ITGA9: variants seen among roughly 807,000 people sequenced by gnomAD.
The protein encoded by ITGA9 is integrin alpha-9.
Under a neutral mutation model 127.8 loss-of-function variants are expected in ITGA9, and 56 were observed. That is an observed-to-expected ratio of 0.44 (90% CI 0.35 to 0.55). ITGA9 has a LOEUF of 0.55. ITGA9 is among the 20% of genes least tolerant of loss of function. The pLI, the probability that ITGA9 is intolerant of heterozygous loss-of-function variation, is 0.00. For synonymous variants in ITGA9, 508 were observed against 514.5 expected (o/e 0.99, Z 0.17); for missense variants, 1,196 against 1,347.1 (o/e 0.89, Z 1.76).
chr3:37,651,418 A>G (rs1700428586), intron 16 of ITGA9, among the ~76,000 whole-genome samples: 1 of 152,162 alleles, frequency 6.6e-6, no homozygotes, highest in Non-Finnish European at 1.5e-5. Context: ...AAGCTGGGGC[A>G]TCCACCATTT....
intron 4 of ITGA9, among the ~76,000 whole-genome samples, chr3:37,489,820 A>G (rs1457306924): frequency 6.6e-6 from 1 of 152,184 alleles, no homozygotes; most frequent in Admixed American, 6.5e-5. Flanking sequence ...TGCCACAATG[A>G]AATAGCACTT....
chr3:37,815,618 A>AG (rs1198657024), intron 27 of ITGA9, among the ~76,000 whole-genome samples: 2 of 152,052 alleles, frequency 1.3e-5, no homozygotes, highest in Non-Finnish European at 2.9e-5. Flanking sequence ...CAAAAAAAAA[A>AG]AAAAAAGTGA....
chr3:37,704,836 T>A (rs2125674786), intron 18 of ITGA9, among the ~76,000 whole-genome samples: 1 of 152,356 alleles, frequency 6.6e-6, no homozygotes, highest in Admixed American at 6.5e-5. Context: ...GAGTACAATG[T>A]GGGCAATGCT....
intron 16 of ITGA9, among the ~76,000 whole-genome samples, chr3:37,642,624 G>A (rs1480958017): frequency 1.3e-5 from 2 of 152,190 alleles, no homozygotes; most frequent in Non-Finnish European, 2.9e-5. Context: ...TCTATACCAC[G>A]GTATGTTTGT....
intron 23 of ITGA9, among the ~76,000 whole-genome samples, chr3:37,758,751 TA>T (rs145795419): frequency 6.8e-5 from 10 of 147,946 alleles, no homozygotes; most frequent in Admixed American, 2.0e-4. Context: ...CCTTTATTCT[TA>T]AAAAAAAAAG....
intron 15 of ITGA9, among the ~76,000 whole-genome samples, chr3:37,595,241 C>G (rs1313613629): frequency 6.6e-6 from 1 of 152,026 alleles, no homozygotes; most frequent in East Asian, 1.9e-4. Flanking sequence ...GGTAGCTGGG[C>G]AGTGTCAGCA....
At chr3:37,691,933 A>C (rs1487673049) in intron 18 of ITGA9, among the ~76,000 whole-genome samples, 2 of 152,188 alleles carry the variant, frequency 1.3e-5, no homozygotes, top group Admixed American at 1.3e-4. Context: ...GCTAAACTGG[A>C]GTTTGAATTT....
At chr3:37,470,817 A>G (rs915796726) in intron 1 of ITGA9, among the ~76,000 whole-genome samples, 190 bp from the exon 2 acceptor site, 1 of 152,184 alleles carries the variant, frequency 6.6e-6, no homozygotes, top group African/African-American at 2.4e-5. Flanking sequence ...TTAAGCTTTA[A>G]TATGCCTGGG....
At chr3:37,593,116 G>T (rs1465320637) in intron 15 of ITGA9, among the ~76,000 whole-genome samples, 1 of 152,136 alleles carries the variant, frequency 6.6e-6, no homozygotes, top group Non-Finnish European at 1.5e-5. Flanking sequence ...ATGGGAGATT[G>T]GTTCCAGGAT....
intron 4 of ITGA9, among the ~76,000 whole-genome samples, chr3:37,490,975 C>CTTTT (rs1553642022): frequency 4.8e-5 from 5 of 105,110 alleles, no homozygotes; most frequent in South Asian, 3.6e-4. Context: ...TTCCCCCCCG[C>CTTTT]TTTTTTTTTT....
At chr3:37,702,037 T>A (rs78533144) in intron 18 of ITGA9, among the ~76,000 whole-genome samples, 2,017 of 152,008 alleles carry the variant, frequency 0.013, 50 homozygotes, top group African/African-American at 0.046. Flanking sequence ...CAGGGTGGGT[T>A]GGGGAAAAGG....
At chr3:37,711,102 C>T (rs1350761089) in intron 18 of ITGA9, among the ~76,000 whole-genome samples, 1 of 152,190 alleles carries the variant, frequency 6.6e-6, no homozygotes, top group Non-Finnish European at 1.5e-5. Flanking sequence ...GATCTGCTTC[C>T]CTTGTGGCCC....
At chr3:37,635,059 ACACAG>A (rs1220059789) in intron 16 of ITGA9, among the ~76,000 whole-genome samples, 1 of 152,244 alleles carries the variant, frequency 6.6e-6, no homozygotes, top group Non-Finnish European at 1.5e-5. Flanking sequence ...GAAAATGGAA[ACACAG>A]CATACAAAAA....
intron 26 of ITGA9, among the ~76,000 whole-genome samples, chr3:37,795,253 G>A (rs1697157950): frequency 6.6e-6 from 1 of 152,122 alleles, no homozygotes; most frequent in Non-Finnish European, 1.5e-5. Flanking sequence ...TCCGTCTCTG[G>A]AAGCCCTCCA....
chr3:37,525,871 C>G (rs1443942103), intron 12 of ITGA9, among the ~76,000 whole-genome samples, 155 bp from the exon 13 acceptor site: 1 of 152,152 alleles, frequency 6.6e-6, no homozygotes, highest in Non-Finnish European at 1.5e-5. Flanking sequence ...AGTGTGGCTT[C>G]CATTCTTACA....
At chr3:37,687,182 G>A (rs1285213733) in intron 18 of ITGA9, among the ~76,000 whole-genome samples, 13 of 152,186 alleles carry the variant, frequency 8.5e-5, no homozygotes, top group Non-Finnish European at 1.5e-5. Flanking sequence ...TATGAAAATG[G>A]AATGGACTGG....
chr3:37,530,350 G>A (rs974501504), intron 13 of ITGA9, among the ~76,000 whole-genome samples: 2 of 152,188 alleles, frequency 1.3e-5, no homozygotes, highest in East Asian at 1.9e-4. Flanking sequence ...AGGAGACCAC[G>A]CATGTGCAAG....
chr3:37,614,688 G>A (rs1700057310), intron 15 of ITGA9, among the ~76,000 whole-genome samples: 1 of 152,078 alleles, frequency 6.6e-6, no homozygotes, highest in Non-Finnish European at 1.5e-5. Flanking sequence ...CACATCCCTT[G>A]TAAGTTGGAT....
chr3:37,674,107 ATGT>A (rs1226071085), intron 17 of ITGA9, among the ~76,000 whole-genome samples: 1 of 152,198 alleles, frequency 6.6e-6, no homozygotes, highest in Non-Finnish European at 1.5e-5. Flanking sequence ...AGACATAGAA[ATGT>A]TGTGGTTTTG....
Sources: gnomAD v4.1 joint callset for allele counts (sites outside exome capture counted in the v4.1 genomes callset) on GRCh38, gnomAD v4.1.1 for gene constraint, MANE v1.5 for transcripts, NCBI Gene and HGNC (gene_info 2026-07-23, HGNC 2026-07-21) for gene names.